CNTN4: variants seen among roughly 807,000 people sequenced by gnomAD.
The protein encoded by CNTN4 is contactin-4.
A neutral mutation model predicts 122.5 loss-of-function variants in CNTN4; 77 were observed. That is an observed-to-expected ratio of 0.63 (90% CI 0.52 to 0.76). The LOEUF (loss-of-function observed/expected upper bound fraction) is 0.76, where lower values mean the gene tolerates loss of function less well. Among genes scored for constraint, CNTN4 ranks in the 30% least tolerant of loss-of-function variants. The probability of loss-of-function intolerance (pLI) is 0.00; values close to 1 mark genes in which losing one functional copy is unlikely to be tolerated. For synonymous variants in CNTN4, 512 were observed against 447.0 expected, an observed-to-expected ratio of 1.15 and a Z score of -1.83; for missense variants, 1,256 against 1,259.1, an observed-to-expected ratio of 1.00 and a Z score of 0.04.
intron 4 of CNTN4, among the ~76,000 whole-genome samples, chr3:2,718,388 A>G (rs1250057421): frequency 6.6e-6 from 1 of 152,230 alleles, no homozygotes; most frequent in African/African-American, 2.4e-5. Flanking sequence ...GAGTAGAAGC[A>G]TATTAACTGA....
intron 3 of CNTN4, among the ~76,000 whole-genome samples, chr3:2,496,233 G>A (rs1023092558): frequency 1.3e-5 from 2 of 152,046 alleles, no homozygotes; most frequent in East Asian, 1.9e-4. Flanking sequence ...TCTTGATGAC[G>A]TCCGATGTGC....
intron 2 of CNTN4, among the ~76,000 whole-genome samples, chr3:2,106,262 A>C (rs2125107103): frequency 6.6e-6 from 1 of 152,294 alleles, no homozygotes. Flanking sequence ...CTCTTCTCAC[A>C]GCTCCATTAG....
chr3:2,974,839 A>G (rs536766188), intron 13 of CNTN4, among the ~76,000 whole-genome samples: 1 of 152,342 alleles, frequency 6.6e-6, no homozygotes, highest in Non-Finnish European at 1.5e-5. Context: ...ATTAGGGGTT[A>G]AAGCAAATAA....
chr3:2,560,185 G>A (rs2078892397), intron 3 of CNTN4, among the ~76,000 whole-genome samples: 1 of 150,518 alleles, frequency 6.6e-6, no homozygotes, highest in African/African-American at 2.4e-5. Context: ...CCATCACCCA[G>A]GCTACAGTGC....
chr3:2,312,168 G>T (rs2042938906), intron 2 of CNTN4, among the ~76,000 whole-genome samples: 1 of 151,894 alleles, frequency 6.6e-6, no homozygotes. Context: ...AATTAGCCAG[G>T]TATAGTGGTG....
rs560368722 is a variant in CNTN4, at chr3:2,524,667, T to C, written c.-88-46749T>C. Among the ~76,000 whole-genome samples the C allele has an allele frequency of 3.9e-5, 6 of 152,232 alleles. No homozygotes were observed. In the East Asian group the frequency reaches 9.7e-4, roughly 25 times the overall value. Reference sequence around the variant, plus strand: ...TCTTATTTTTTTAGTCTCTATAAAGTAAATGTTCCCAACACTTTTTGTCCA... The same window carrying C: ...TCTTATTTTTTTAGTCTCTATAAAGCAAATGTTCCCAACACTTTTTGTCCA... On this transcript the variant is annotated intron_variant, in intron 3 of 24. Coordinates refer to ENST00000418658, the MANE Select transcript of CNTN4 (RefSeq NM_175607.3).
At chr3:2,338,840 C>T (rs2044066467) in intron 2 of CNTN4, among the ~76,000 whole-genome samples, 1 of 151,972 alleles carries the variant, frequency 6.6e-6, no homozygotes, top group Admixed American at 6.6e-5. Flanking sequence ...TTTTAATGTA[C>T]CCTCTTAAGA....
chr3:2,399,649 C>T (rs1165471590), intron 3 of CNTN4, among the ~76,000 whole-genome samples: 1 of 151,912 alleles, frequency 6.6e-6, no homozygotes, highest in African/African-American at 2.4e-5. Context: ...TTGGAATTCA[C>T]CCTCCATATA....
intron 3 of CNTN4, among the ~76,000 whole-genome samples, chr3:2,510,101 G>A (rs2076840737): frequency 6.6e-6 from 1 of 152,110 alleles, no homozygotes; most frequent in Non-Finnish European, 1.5e-5. Context: ...CAGCTGGTTA[G>A]TAGCCAGTTG....
intron 4 of CNTN4, among the ~76,000 whole-genome samples, chr3:2,599,293 T>C (rs910863386): frequency 3.9e-5 from 6 of 152,178 alleles, no homozygotes; most frequent in Non-Finnish European, 7.3e-5. Flanking sequence ...TTAAGTGATT[T>C]CTCAAGATCA....
chr3:2,995,728 A>G (rs1011787451), intron 14 of CNTN4, among the ~76,000 whole-genome samples: 3 of 152,192 alleles, frequency 2.0e-5, no homozygotes, highest in African/African-American at 7.2e-5. Flanking sequence ...CAAAAGAGAA[A>G]CATCTAACAG....
intron 2 of CNTN4, among the ~76,000 whole-genome samples, chr3:2,338,835 A>C (rs2044066045): frequency 6.6e-6 from 1 of 152,116 alleles, no homozygotes; most frequent in Non-Finnish European, 1.5e-5. Flanking sequence ...AATCCTTTTA[A>C]TGTACCCTCT....
chr3:2,911,552 C>T (rs771866371), intron 12 of CNTN4, among the ~76,000 whole-genome samples: 27 of 151,980 alleles, frequency 1.8e-4, no homozygotes, highest in Admixed American at 2.6e-4. Context: ...CATGGCCCAA[C>T]CAAAGGAACA....
intron 6 of CNTN4, among the ~76,000 whole-genome samples, chr3:2,805,813 T>C (rs2092452327): frequency 6.6e-6 from 1 of 152,222 alleles, no homozygotes; most frequent in African/African-American, 2.4e-5. Context: ...CCACAGTCTG[T>C]GCAGATGGAA....
chr3:2,625,227 A>G (rs934365482), intron 4 of CNTN4, among the ~76,000 whole-genome samples: 3 of 152,108 alleles, frequency 2.0e-5, no homozygotes, highest in Admixed American at 6.5e-5. Flanking sequence ...CTAAAAATCC[A>G]TGCACACCTC....
chr3:2,674,152 A>G (rs758696753), intron 4 of CNTN4, among the ~76,000 whole-genome samples: 6 of 152,240 alleles, frequency 3.9e-5, no homozygotes, highest in Non-Finnish European at 7.3e-5. Flanking sequence ...TGTGAAAGCA[A>G]TAGATAATTG....
intron 2 of CNTN4, among the ~76,000 whole-genome samples, chr3:2,309,186 AT>A (rs2042825261): frequency 6.6e-6 from 1 of 152,018 alleles, no homozygotes; most frequent in African/African-American, 2.4e-5. Context: ...TTACTGGCAG[AT>A]TGACCCTTTT....
At chr3:2,567,576 C>G (rs1054035350) in intron 3 of CNTN4, among the ~76,000 whole-genome samples, 2 of 152,214 alleles carry the variant, frequency 1.3e-5, no homozygotes, top group African/African-American at 4.8e-5. Context: ...TGCATTCTCA[C>G]TAATCCTTAC....
chr3:2,347,930 A>G (rs979190830), intron 3 of CNTN4, among the ~76,000 whole-genome samples: 10 of 149,380 alleles, frequency 6.7e-5, no homozygotes, highest in Admixed American at 2.0e-4. Flanking sequence ...CATACTCTTA[A>G]TTTCTCCTCA....
Sources: gnomAD v4.1 joint callset for allele counts (sites outside exome capture counted in the v4.1 genomes callset) on GRCh38, gnomAD v4.1.1 for gene constraint, MANE v1.5 for transcripts, NCBI Gene and HGNC (gene_info 2026-07-23, HGNC 2026-07-21) for gene names.